NRG3: variants seen among roughly 807,000 people sequenced by gnomAD.
NRG3 encodes neuregulin 3.
Under a neutral mutation model 66.9 loss-of-function variants are expected in NRG3, and 31 were observed. The ratio of observed to expected loss-of-function variants is 0.46; its 90% CI spans 0.35 to 0.63. The LOEUF is 0.63. NRG3 is among the 20% of genes least tolerant of loss of function. NRG3 has a pLI of 0.00. For synonymous variants in NRG3, 393 were observed against 359.4 expected, an observed-to-expected ratio of 1.09 and a Z score of -1.06; for missense variants, 910 against 878.9, an observed-to-expected ratio of 1.04 and a Z score of -0.45.
At chr10:82,678,654 G>T (rs1025713223) in intron 2 of NRG3, among the ~76,000 whole-genome samples, 1 of 152,108 alleles carries the variant, frequency 6.6e-6, no homozygotes, top group Non-Finnish European at 1.5e-5. Context: ...ACCATCACCC[G>T]ACGGTCGCCT....
chr10:81,956,962 A>G (rs1849894569), intron 1 of NRG3, among the ~76,000 whole-genome samples: 1 of 152,352 alleles, frequency 6.6e-6, no homozygotes, highest in Admixed American at 6.5e-5. Context: ...ATAGATAGCT[A>G]ACAGCAGAAT....
chr10:82,541,314 G>A (rs1257636031), intron 2 of NRG3, among the ~76,000 whole-genome samples: 1 of 152,118 alleles, frequency 6.6e-6, no homozygotes, highest in Non-Finnish European at 1.5e-5. Context: ...TCATCTTGTA[G>A]CAGGACGATC....
intron 2 of NRG3, among the ~76,000 whole-genome samples, chr10:82,410,450 C>CATATATATATATATGTATATATATATAA (rs2087978668): frequency 6.9e-6 from 1 of 145,754 alleles, no homozygotes; most frequent in Non-Finnish European, 1.5e-5. Context: ...TCCATATATA[C>CATATATATATATATGTATATATATATAA]ATATATATAT....
chr10:81,965,805 T>C (rs1467169411), intron 1 of NRG3, among the ~76,000 whole-genome samples: 4 of 152,184 alleles, frequency 2.6e-5, no homozygotes, highest in African/African-American at 4.8e-5. Context: ...GAGTTGATAG[T>C]CTTTGATATT....
intron 2 of NRG3, among the ~76,000 whole-genome samples, chr10:82,375,048 A>G (rs2085125591): frequency 6.6e-6 from 1 of 152,298 alleles, no homozygotes; most frequent in Non-Finnish European, 1.5e-5. Flanking sequence ...GATTTTATAG[A>G]TCACATTTGC....
intron 3 of NRG3, among the ~76,000 whole-genome samples, chr10:82,789,289 T>C (rs2135356695): frequency 6.6e-6 from 1 of 152,254 alleles, no homozygotes; most frequent in South Asian, 2.1e-4. Flanking sequence ...TTTTAAAATC[T>C]TCTATGGAGC....
chr10:82,959,017 C>T lies in NRG3; in HGVS notation c.1226C>T (p.Ala409Val). The T allele has an allele frequency of 1.2e-6, 2 of 1,607,902 alleles. No homozygotes were observed. The highest frequency in any genetic ancestry group is 2.2e-5 in the East Asian group (1 of 44,592). Residue 409 changes from alanine to valine, a missense_variant, in exon 6 of 9, where the codon GCA becomes GTA. By Grantham distance (64) the Ala-to-Val change is moderately conservative. Coordinates refer to ENST00000372141, the MANE Select transcript of NRG3 (RefSeq NM_001010848.4). ...PQNGKSYSLK[A>V]SSTMAKSENL... is the part of the protein sequence containing the mutation. ...AATGGTAAAAGCTACAGTCTCAAAG[C>T]ATCCAGCACAATGGCAAAGTCAGAG...
At chr10:82,209,451 T>A (rs1203049461) in intron 1 of NRG3, among the ~76,000 whole-genome samples, 1 of 152,226 alleles carries the variant, frequency 6.6e-6, no homozygotes, top group East Asian at 1.9e-4. Context: ...CTGTCAATGA[T>A]CATCTATGTA....
intron 2 of NRG3, among the ~76,000 whole-genome samples, chr10:82,668,201 G>A (rs17100457): frequency 0.039 from 5,997 of 152,138 alleles, 413 homozygotes; most frequent in African/African-American, 0.14. Flanking sequence ...AGGCAGAGAT[G>A]AACTTCTGGC....
chr10:82,617,207 A>G (rs1036060950), intron 2 of NRG3, among the ~76,000 whole-genome samples: 1 of 150,058 alleles, frequency 6.7e-6, no homozygotes, highest in African/African-American at 2.5e-5. Flanking sequence ...ACACAAACAC[A>G]CATCACACAT....
chr10:81,897,727 A>T (rs1050536023), intron 1 of NRG3, among the ~76,000 whole-genome samples: 1 of 152,140 alleles, frequency 6.6e-6, no homozygotes, highest in African/African-American at 2.4e-5. Flanking sequence ...GAGGGAATAG[A>T]CATCTATTGA....
At chr10:82,022,346 T>G (rs542185243) in intron 1 of NRG3, among the ~76,000 whole-genome samples, 10 of 152,186 alleles carry the variant, frequency 6.6e-5, no homozygotes, top group South Asian at 2.1e-4. Context: ...AATCCACCAC[T>G]GGGAGAATGA....
intron 1 of NRG3, among the ~76,000 whole-genome samples, chr10:82,217,812 T>TGCAAC (rs1215995988): frequency 6.6e-6 from 1 of 152,184 alleles, no homozygotes; most frequent in African/African-American, 2.4e-5. Context: ...ATGGCAGTAA[T>TGCAAC]ACATCCTTTG....
intron 1 of NRG3, among the ~76,000 whole-genome samples, chr10:82,200,638 G>A (rs1028563451): frequency 1.3e-5 from 2 of 152,144 alleles, no homozygotes; most frequent in African/African-American, 4.8e-5. Flanking sequence ...GCAAGAGGAA[G>A]AGAGAAAGTA....
At chr10:82,328,039 T>C (rs929225111) in intron 1 of NRG3, among the ~76,000 whole-genome samples, 1 of 152,182 alleles carries the variant, frequency 6.6e-6, no homozygotes, top group Admixed American at 6.5e-5. Context: ...AACAGTCACA[T>C]TGCGGGGTTA....
chr10:82,116,755 A>C (rs1364360080), intron 1 of NRG3, among the ~76,000 whole-genome samples: 3 of 152,090 alleles, frequency 2.0e-5, no homozygotes, highest in African/African-American at 7.2e-5. Context: ...TGGGAAACTT[A>C]GATTTGAAGA....
chr10:82,821,815 A>G (rs2061965335), intron 3 of NRG3, among the ~76,000 whole-genome samples: 1 of 152,182 alleles, frequency 6.6e-6, no homozygotes, highest in Non-Finnish European at 1.5e-5. Flanking sequence ...TGAGGCTCAA[A>G]TATGACAAAA....
intron 2 of NRG3, among the ~76,000 whole-genome samples, chr10:82,627,150 C>CT (rs2049488087): frequency 6.6e-6 from 1 of 152,242 alleles, no homozygotes; most frequent in Admixed American, 6.5e-5. Flanking sequence ...GTCCTGTGGA[C>CT]TCTGTCGTTG....
intron 1 of NRG3, among the ~76,000 whole-genome samples, chr10:81,999,497 A>G (rs977279248): frequency 1.3e-5 from 2 of 152,190 alleles, no homozygotes; most frequent in African/African-American, 4.8e-5. Flanking sequence ...GTGAAAATGT[A>G]TTGTTCAAGA....
Sources: gnomAD v4.1 joint callset for allele counts (sites outside exome capture counted in the v4.1 genomes callset) on GRCh38, gnomAD v4.1.1 for gene constraint, MANE v1.5 for transcripts, NCBI Gene and HGNC (gene_info 2026-07-23, HGNC 2026-07-21) for gene names.